Variants in KCNAB1 observed in about 807,000 individuals in gnomAD.
The protein encoded by KCNAB1 is voltage-gated potassium channel subunit beta-1.
A neutral mutation model predicts 64.6 loss-of-function variants in KCNAB1; 35 were observed. The ratio of observed to expected loss-of-function variants is 0.54; its 90% CI spans 0.41 to 0.72. The LOEUF is 0.72. Ranked by LOEUF, KCNAB1 falls within the 30% of genes least tolerant of loss-of-function variation. The pLI, the probability that KCNAB1 is intolerant of heterozygous loss-of-function variation, is 0.00. For synonymous variants in KCNAB1, 177 were observed against 183.8 expected, an observed-to-expected ratio of 0.96 and a Z score of 0.30; for missense variants, 401 against 512.9, an observed-to-expected ratio of 0.78 and a Z score of 2.11.
chr3:156,524,672 G>A (rs554485755), intron 12 of KCNAB1, among the ~76,000 whole-genome samples: 114 of 139,634 alleles, frequency 8.2e-4, no homozygotes, highest in African/African-American at 2.9e-3. Context: ...GCGTGAACCC[G>A]AGTGGCGGAG....
At chr3:156,536,499 G>A (rs1247099473) in intron 13 of KCNAB1, 159 bp from the exon 14 acceptor site, 7 of 619,152 alleles carry the variant, frequency 1.1e-5, no homozygotes, top group African/African-American at 1.1e-4. Context: ...TGACCTCAAG[G>A]AGCTTACAAT....
chr3:156,124,506 C>A (rs1015658075), intron 1 of KCNAB1, among the ~76,000 whole-genome samples: 1 of 151,978 alleles, frequency 6.6e-6, no homozygotes, highest in Admixed American at 6.6e-5. Flanking sequence ...TGTGAGCCAC[C>A]GTGCCTGGCC....
intron 1 of KCNAB1, among the ~76,000 whole-genome samples, chr3:156,271,109 ATTCT>A (rs1287138819): frequency 6.6e-6 from 1 of 152,060 alleles, no homozygotes; most frequent in Non-Finnish European, 1.5e-5. Flanking sequence ...TGCTTTTAGA[ATTCT>A]TTCTTTATTT....
At chr3:156,137,170 CCTA>C (rs1178463422) in intron 1 of KCNAB1, among the ~76,000 whole-genome samples, 1 of 150,176 alleles carries the variant, frequency 6.7e-6, no homozygotes, top group East Asian at 2.0e-4. Flanking sequence ...TCTATCCTCT[CCTA>C]CTCATTTTTT....
At chr3:156,384,898 T>G (rs1370786102) in intron 1 of KCNAB1, among the ~76,000 whole-genome samples, 1 of 152,052 alleles carries the variant, frequency 6.6e-6, no homozygotes, top group Non-Finnish European at 1.5e-5. Context: ...TGAAAAAGCA[T>G]GGGAAGGAGG....
chr3:156,510,777 C>T (rs1207306983), intron 8 of KCNAB1, among the ~76,000 whole-genome samples: 2 of 152,182 alleles, frequency 1.3e-5, no homozygotes, highest in South Asian at 2.1e-4. Context: ...ATGTCCATGG[C>T]GTTCCACCCT....
rs139430871 is a variant in KCNAB1 at position 156,293,036 on chromosome 3, C to A, written c.276-128580C>A. 9.5e-3 allele frequency among the ~76,000 whole-genome samples: 1,439 copies of A among 152,268 alleles called. 18 individuals are homozygous for A. The highest frequency in any genetic ancestry group is 0.033 in the African/African-American group (1,376 of 41,546). On this transcript the variant is annotated intron_variant, in intron 1 of 13. Coordinates refer to ENST00000490337, the MANE Select transcript of KCNAB1 (RefSeq NM_172160.3). ...TAAATTGTTGCAATTCTACTGGTTT[C>A]CTCATAAATTTTAAAGCTTCCTCAT...
intron 3 of KCNAB1, among the ~76,000 whole-genome samples, chr3:156,455,622 A>G (rs549996060): frequency 9.9e-5 from 15 of 152,140 alleles, no homozygotes; most frequent in Admixed American, 2.6e-4. Flanking sequence ...CAAAAACCCA[A>G]CTCAAATCAG....
intron 8 of KCNAB1, among the ~76,000 whole-genome samples, chr3:156,481,117 C>T (rs1714764934): frequency 6.6e-6 from 1 of 152,106 alleles, no homozygotes. Flanking sequence ...TCTACAATCA[C>T]AGTAGCATCC....
chr3:156,311,830 GC>G (rs1721925912), intron 1 of KCNAB1, among the ~76,000 whole-genome samples: 1 of 152,162 alleles, frequency 6.6e-6, no homozygotes, highest in African/African-American at 2.4e-5. Flanking sequence ...TCTTTCCTCA[GC>G]CCCATTTATT....
chr3:156,142,906 G>T, intron 1 of KCNAB1: 1 of 924,396 alleles, frequency 1.1e-6, no homozygotes, highest in East Asian at 6.4e-5. Context: ...GCTTATGTTT[G>T]ACTCTGAGTA....
At chr3:156,517,159 A>G (rs538636726) in intron 11 of KCNAB1, among the ~76,000 whole-genome samples, 2 of 152,326 alleles carry the variant, frequency 1.3e-5, no homozygotes, top group Non-Finnish European at 2.9e-5. Flanking sequence ...TTCTAAGAGG[A>G]AGTATAAGCC....
intron 1 of KCNAB1, among the ~76,000 whole-genome samples, chr3:156,321,526 G>C: frequency 6.6e-6 from 1 of 152,338 alleles, no homozygotes; most frequent in East Asian, 1.9e-4. Context: ...TCTCAGCTGC[G>C]ATACTAGGCT....
At chr3:156,511,449 G>A (rs1308724327) in intron 8 of KCNAB1, among the ~76,000 whole-genome samples, 1 of 152,016 alleles carries the variant, frequency 6.6e-6, no homozygotes, top group Non-Finnish European at 1.5e-5. Context: ...TTTTTCACAT[G>A]TCCAAAGAAG....
chr3:156,459,882 C>A lies in KCNAB1; in HGVS notation c.482+11C>A. 1 of 1,595,274 alleles carries A rather than the reference C, an allele frequency of 6.3e-7. No homozygotes were observed. The highest frequency in any genetic ancestry group is 8.6e-7 in the Non-Finnish European group (1 of 1,164,306). ...GAAGAAAGGCTGGAGGTATTGCATTCGCCATAATTATTTGTTTTTAAAAAG... is the reference window on the plus strand; with the variant it reads ...GAAGAAAGGCTGGAGGTATTGCATTAGCCATAATTATTTGTTTTTAAAAAG... On this transcript the variant is annotated intron_variant, in intron 5 of 13. Transcript: ENST00000490337.
chr3:156,166,125 G>A (rs1452522874), intron 1 of KCNAB1, among the ~76,000 whole-genome samples: 1 of 152,196 alleles, frequency 6.6e-6, no homozygotes, highest in Non-Finnish European at 1.5e-5. Context: ...TTAAGGGAAA[G>A]TAATATGCCA....
chr3:156,225,141 C>T (rs375812782), intron 1 of KCNAB1, among the ~76,000 whole-genome samples: 2 of 152,116 alleles, frequency 1.3e-5, no homozygotes, highest in South Asian at 2.1e-4. Context: ...AGACCAATAT[C>T]CCTGATGAAC....
At chr3:156,418,347 G>A (rs1017153579) in intron 1 of KCNAB1, among the ~76,000 whole-genome samples, 2 of 152,140 alleles carry the variant, frequency 1.3e-5, no homozygotes, top group African/African-American at 2.4e-5. Flanking sequence ...AGGTTCCAGG[G>A]TATGTGTTAT....
chr3:156,411,061 T>G (rs946792064), intron 1 of KCNAB1, among the ~76,000 whole-genome samples: 1 of 152,220 alleles, frequency 6.6e-6, no homozygotes, highest in Non-Finnish European at 1.5e-5. Flanking sequence ...GCATATCAAC[T>G]AGCAATGGAA....
Sources: allele counts gnomAD v4.1 joint callset (sites outside exome capture counted in the v4.1 genomes callset), GRCh38; gene constraint gnomAD v4.1.1; transcripts MANE v1.5; gene names NCBI Gene and HGNC (gene_info 2026-07-23, HGNC 2026-07-21).